Variants in KCND2 observed in about 807,000 individuals in gnomAD.
KCND2 encodes the protein potassium voltage-gated channel subfamily D member 2.
A neutral mutation model predicts 54.4 loss-of-function variants in KCND2; 16 were observed. The observed-to-expected ratio is 0.29, with a 90% CI of 0.20 to 0.45. The LOEUF (loss-of-function observed/expected upper bound fraction) is 0.45. Ranked by LOEUF, KCND2 falls within the 20% of genes least tolerant of loss-of-function variation. The pLI is 1.00. For synonymous variants in KCND2, 317 were observed against 310.7 expected, an observed-to-expected ratio of 1.02 and a Z score of -0.21; for missense variants, 486 against 824.2, an observed-to-expected ratio of 0.59 and a Z score of 5.02.
intron 1 of KCND2, among the ~76,000 whole-genome samples, chr7:120,291,565 C>T (rs765809404): frequency 2.0e-5 from 3 of 151,794 alleles, no homozygotes; most frequent in Admixed American, 1.3e-4. Flanking sequence ...AACACAGAAT[C>T]CAGATTTCAG....
At chr7:120,316,177 T>G (rs1799809112) in intron 1 of KCND2, among the ~76,000 whole-genome samples, 1 of 152,212 alleles carries the variant, frequency 6.6e-6, no homozygotes, top group African/African-American at 2.4e-5. Context: ...CTATACTCTT[T>G]TACATTTGCC....
chr7:120,609,055 C>T (rs150749560), intron 1 of KCND2, among the ~76,000 whole-genome samples: 11 of 151,928 alleles, frequency 7.2e-5, no homozygotes, highest in Non-Finnish European at 1.6e-4. Context: ...TGGTTTTCAG[C>T]GGGTTAATCA....
chr7:120,348,246 T>C (rs141986320), intron 1 of KCND2, among the ~76,000 whole-genome samples: 1 of 152,252 alleles, frequency 6.6e-6, no homozygotes, highest in African/African-American at 2.4e-5. Context: ...TTTAACAGAA[T>C]AGTTATTGTT....
At chr7:120,373,667 T>C (rs569276032) in intron 1 of KCND2, among the ~76,000 whole-genome samples, 6 of 151,992 alleles carry the variant, frequency 3.9e-5, no homozygotes, top group African/African-American at 1.4e-4. Flanking sequence ...ATAACTTGAA[T>C]GTATAGACCC....
rs1253088668 is a variant in KCND2 at position 120,465,620 on chromosome 7, C to T, written c.1115+189873C>T. Among the ~76,000 whole-genome samples the T allele has an allele frequency of 2.6e-5, 4 of 152,178 alleles. No individual in the cohort carries two copies. The East Asian group carries it at 7.7e-4, about 29-fold the overall frequency. On this transcript the variant is annotated intron_variant, in intron 1 of 5. Coordinates refer to ENST00000331113, the MANE Select transcript of KCND2 (RefSeq NM_012281.3). ...CTGATGAGATTAGTTTGCATGTGTT[C>T]AGTTTGAGGTGTTTGAAACAAAGAA...
intron 1 of KCND2, among the ~76,000 whole-genome samples, chr7:120,444,670 G>T (rs1801993479): frequency 6.6e-6 from 1 of 152,090 alleles, no homozygotes; most frequent in South Asian, 2.1e-4. Context: ...TGGGACAAAG[G>T]ATGGCTGAGA....
At chr7:120,687,348 A>T (rs1332942209) in intron 1 of KCND2, among the ~76,000 whole-genome samples, 4 of 152,190 alleles carry the variant, frequency 2.6e-5, no homozygotes, top group Non-Finnish European at 5.9e-5. Context: ...AATTCTAGAG[A>T]TCTGCTGTAT....
At chr7:120,571,040 C>G (rs1792359521) in intron 1 of KCND2, among the ~76,000 whole-genome samples, 1 of 152,208 alleles carries the variant, frequency 6.6e-6, no homozygotes, top group Non-Finnish European at 1.5e-5. Flanking sequence ...ATTTCTGTGA[C>G]TATAATGGCT....
chr7:120,447,462 C>T (rs943655559), intron 1 of KCND2, among the ~76,000 whole-genome samples: 2 of 151,952 alleles, frequency 1.3e-5, no homozygotes, highest in African/African-American at 4.8e-5. Flanking sequence ...ATACTTGGAG[C>T]TTCCGTAGCC....
At chr7:120,722,590 G>A (rs1272740092) in intron 1 of KCND2, among the ~76,000 whole-genome samples, 1 of 152,118 alleles carries the variant, frequency 6.6e-6, no homozygotes, top group Non-Finnish European at 1.5e-5. Flanking sequence ...GGCAGAATTA[G>A]AAATAAAATA....
chr7:120,683,229 GT>G (rs986497771), intron 1 of KCND2, among the ~76,000 whole-genome samples: 5 of 152,062 alleles, frequency 3.3e-5, no homozygotes, highest in Admixed American at 1.3e-4. Context: ...AAATCCTATG[GT>G]TTTTTTATTT....
rs73722586 is a variant in KCND2, at chr7:120,381,938, A to G, written c.1115+106191A>G. Among the ~76,000 whole-genome samples the G allele has an allele frequency of 4.6e-3, 694 of 152,142 alleles. 6 individuals are homozygous for G. Among genetic ancestry groups the G allele is most frequent in the African/African-American group, 0.015 (638 of 41,550 alleles). Reference sequence around the variant, plus strand: ...TATTCAAAAAATGATAAAATTCAAAAGTCAAATCCGTCATTTTTGTATTTA... The same window carrying G: ...TATTCAAAAAATGATAAAATTCAAAGGTCAAATCCGTCATTTTTGTATTTA... On this transcript the variant is annotated intron_variant, in intron 1 of 5. Coordinates refer to ENST00000331113, the MANE Select transcript of KCND2 (RefSeq NM_012281.3).
At chr7:120,505,195 T>G (rs929475530) in intron 1 of KCND2, among the ~76,000 whole-genome samples, 23 of 151,780 alleles carry the variant, frequency 1.5e-4, no homozygotes, top group African/African-American at 4.6e-4. Flanking sequence ...AGTAAAAGTA[T>G]GTCAGGTGAA....
At chr7:120,513,784 C>G (rs73721409) in intron 1 of KCND2, among the ~76,000 whole-genome samples, 6,655 of 151,828 alleles carry the variant, frequency 0.044, 490 homozygotes, top group African/African-American at 0.15. Flanking sequence ...GTAAAATTCA[C>G]ATTTAATATG....
intron 2 of KCND2, among the ~76,000 whole-genome samples, chr7:120,736,143 T>C (rs1374592167): frequency 6.6e-6 from 1 of 152,048 alleles, no homozygotes; most frequent in Non-Finnish European, 1.5e-5. Flanking sequence ...TTTAATTCAA[T>C]TGCCACACTA....
chr7:120,583,353 A>T (rs1562879483), intron 1 of KCND2, among the ~76,000 whole-genome samples: 1 of 152,106 alleles, frequency 6.6e-6, no homozygotes, highest in Admixed American at 6.6e-5. Context: ...TATAATGTGG[A>T]TATAATGTTA....
chr7:120,320,808 A>G (rs1799884081), intron 1 of KCND2, among the ~76,000 whole-genome samples: 1 of 152,174 alleles, frequency 6.6e-6, no homozygotes, highest in East Asian at 1.9e-4. Context: ...CCTGGCTGAT[A>G]GAGTCAGGGG....
intron 1 of KCND2, among the ~76,000 whole-genome samples, chr7:120,623,798 C>T (rs1793132532): frequency 6.6e-6 from 1 of 151,968 alleles, no homozygotes; most frequent in Non-Finnish European, 1.5e-5. Flanking sequence ...TAACCAGGTC[C>T]TGAAGAATTA....
chr7:120,346,468 C>T (rs531180859), intron 1 of KCND2, among the ~76,000 whole-genome samples: 43 of 152,242 alleles, frequency 2.8e-4, no homozygotes, highest in African/African-American at 9.9e-4. Context: ...TATTAATGCT[C>T]ATTTTGGCAA....
Sources: allele counts gnomAD v4.1 joint callset (sites outside exome capture counted in the v4.1 genomes callset), GRCh38; gene constraint gnomAD v4.1.1; transcripts MANE v1.5; gene names NCBI Gene and HGNC (gene_info 2026-07-23, HGNC 2026-07-21).